FANK1: variants seen among roughly 807,000 people sequenced by gnomAD.
FANK1 encodes the protein fibronectin type III and ankyrin repeat domains 1.
Under a neutral mutation model 45.3 loss-of-function variants are expected in FANK1, and 44 were observed. That is an observed-to-expected ratio of 0.97 (90% CI 0.76 to 1.25). FANK1 has a LOEUF of 1.25. Among genes scored for constraint, FANK1 ranks in the 50% most tolerant of loss-of-function variants. The pLI is 0.00. For synonymous variants in FANK1, 149 were observed against 152.5 expected (o/e 0.98, Z 0.17); for missense variants, 391 against 424.4 (o/e 0.92, Z 0.69).
In FANK1 at chr10:125,897,998, C is replaced by CAAAAA. The variant is rs373550249; in HGVS notation, c.13+1375_13+1379dup. The stretch of plus-strand genomic sequence containing the variant: ...AGTGAAACCCATCTCTACTAAAATA[C>CAAAAA]AAAAAAAAAAAAAAAAAAAAAAAAA... On this transcript the variant is annotated intron_variant, in intron 1 of 10. Coordinates refer to ENST00000368693, the MANE Select transcript of FANK1 (RefSeq NM_145235.5). Among the ~76,000 whole-genome samples, 13 of 16,796 alleles carry CAAAAA rather than the reference C, an allele frequency of 7.7e-4. 2 individuals are homozygous for CAAAAA. Among genetic ancestry groups the CAAAAA allele is most frequent in the African/African-American group, 9.7e-4 (4 of 4,138 alleles). The allele number at this position is 16,796 out of a possible 152,430, so 11.0% of individuals were successfully genotyped here.
intron 1 of FANK1, among the ~76,000 whole-genome samples, chr10:125,899,879 G>A (rs1176600474): frequency 1.3e-5 from 2 of 151,534 alleles, no homozygotes; most frequent in African/African-American, 4.9e-5. Context: ...AATTGGTTAT[G>A]AGGAAGACTC....
At chr10:125,933,254 T>C (rs1312926485) in intron 1 of FANK1, among the ~76,000 whole-genome samples, 2 of 152,168 alleles carry the variant, frequency 1.3e-5, no homozygotes, top group African/African-American at 4.8e-5. Flanking sequence ...TGTGAATCTG[T>C]CTGGTCCTAG....
intron 1 of FANK1, among the ~76,000 whole-genome samples, chr10:125,921,111 A>G (rs1946911725): frequency 6.6e-6 from 1 of 152,158 alleles, no homozygotes; most frequent in South Asian, 2.1e-4. Flanking sequence ...GACCTTTGCA[A>G]TATTGAACTT....
Position 125,898,321 on chromosome 10 carries a change from C to T in FANK1, c.13+1666C>T, listed in dbSNP as rs527476719. The stretch of plus-strand genomic sequence containing the variant: ...GTGCCTGTTATGTTGCAGCTCTGTT[C>T]TAGGGATTGAGGATTGAACAACGGA... On this transcript the variant is annotated intron_variant, in intron 1 of 10. Transcript: ENST00000368693. Among the ~76,000 whole-genome samples, 13 of 152,204 alleles carry T rather than the reference C, an allele frequency of 8.5e-5. No individual in the cohort carries two copies. In the South Asian group the frequency reaches 2.3e-3, roughly 27 times the overall value.
In FANK1 at chr10:125,970,566, G is replaced by A. The variant is rs888947857; in HGVS notation, c.14-9595G>A. On this transcript the variant is annotated intron_variant, in intron 1 of 10. Coordinates refer to ENST00000368693, the MANE Select transcript of FANK1 (RefSeq NM_145235.5). ...GCGAGACTCCGTCTGCAATCCCGGC[G>A]CCTCGGGAGGCCGAGGTGGGCAGAT... Among the ~76,000 whole-genome samples, 38 of 152,190 alleles carry A rather than the reference G, an allele frequency of 2.5e-4. 1 individual carries two copies. The highest frequency in any genetic ancestry group is 6.5e-4 in the Admixed American group (10 of 15,286).
At chr10:125,926,038 C>T (rs1214537374) in intron 1 of FANK1, among the ~76,000 whole-genome samples, 1 of 152,000 alleles carries the variant, frequency 6.6e-6, no homozygotes, top group Non-Finnish European at 1.5e-5. Flanking sequence ...TAGTAACTGT[C>T]ATGCTAATTT....
At chr10:125,930,403 C>T (rs968711721) in intron 1 of FANK1, among the ~76,000 whole-genome samples, 1 of 152,026 alleles carries the variant, frequency 6.6e-6, no homozygotes, top group African/African-American at 2.4e-5. Context: ...GTGGCATGAT[C>T]ATGGCTCACT....
intron 1 of FANK1, among the ~76,000 whole-genome samples, chr10:125,941,310 A>G (rs1340967583): frequency 6.6e-6 from 1 of 152,210 alleles, no homozygotes; most frequent in African/African-American, 2.4e-5. Flanking sequence ...CAATTTGGCA[A>G]ATAAAATCAC....
intron 1 of FANK1, among the ~76,000 whole-genome samples, chr10:125,902,117 G>C (rs79916216): frequency 1.3e-5 from 2 of 152,112 alleles, no homozygotes; most frequent in South Asian, 2.1e-4. Flanking sequence ...AATGTGAGGT[G>C]GGGGGAGGAG....
chr10:125,930,497 C>T (rs1947680303), intron 1 of FANK1, among the ~76,000 whole-genome samples: 1 of 150,658 alleles, frequency 6.6e-6, no homozygotes, highest in Non-Finnish European at 1.5e-5. Context: ...ATGCCACACT[C>T]AACTTTTTTT....
intron 1 of FANK1, among the ~76,000 whole-genome samples, chr10:125,959,779 T>G (rs1949804570): frequency 6.6e-6 from 1 of 152,206 alleles, no homozygotes; most frequent in Non-Finnish European, 1.5e-5. Context: ...GAGCAACAGA[T>G]AACAAATATT....
At chr10:125,978,714 G>A (rs1239756488) in intron 1 of FANK1, among the ~76,000 whole-genome samples, 1 of 152,210 alleles carries the variant, frequency 6.6e-6, no homozygotes, top group African/African-American at 2.4e-5. Context: ...AGCAAAGCTG[G>A]TGGCCTGCCC....
chr10:125,963,952 T>C (rs1343671410), intron 1 of FANK1, among the ~76,000 whole-genome samples: 1 of 152,090 alleles, frequency 6.6e-6, no homozygotes, highest in African/African-American at 2.4e-5. Flanking sequence ...ACCTATTTAG[T>C]TGGGAGAAGG....
Position 125,980,184 on chromosome 10 carries a change from C to T in FANK1, c.37C>T (p.His13Tyr), listed in dbSNP as rs1951109377. Residue 13 changes from histidine (H) to tyrosine (Y), a missense_variant, in exon 2 of 11, where the codon CAT becomes TAT. Coordinates refer to ENST00000368693, the MANE Select transcript of FANK1 (RefSeq NM_145235.5). ...PQKIMPPSKP[H>Y]PPVVGKVTHH... ...AGAAATCATGCCACCCTCAAAGCCT[C>T]ATCCACCTGTCGTGGGCAAAGTGAC... 1.2e-6 allele frequency: 2 copies of T among 1,612,670 alleles called. No individual in the cohort carries two copies. Among genetic ancestry groups the T allele is most frequent in the Non-Finnish European group, 1.7e-6 (2 of 1,179,690 alleles).
chr10:125,945,984 C>T (rs1040379981), intron 1 of FANK1, among the ~76,000 whole-genome samples: 9 of 152,282 alleles, frequency 5.9e-5, no homozygotes, highest in South Asian at 2.1e-4. Flanking sequence ...GGAGGCACCC[C>T]GCAGCAGGGG....
chr10:125,961,555 A>C (rs562450323), intron 1 of FANK1, among the ~76,000 whole-genome samples: 1 of 152,332 alleles, frequency 6.6e-6, no homozygotes, highest in South Asian at 2.1e-4. Context: ...AAATAAACTC[A>C]AAATGGATCA....
chr10:125,950,151 AC>A (rs1363652566), intron 1 of FANK1, among the ~76,000 whole-genome samples: 1 of 149,862 alleles, frequency 6.7e-6, no homozygotes, highest in Non-Finnish European at 1.5e-5. Flanking sequence ...TAGACCTAAA[AC>A]CATAAAAACC....
At chr10:125,940,874 G>A (rs1298397102) in intron 1 of FANK1, among the ~76,000 whole-genome samples, 2 of 152,324 alleles carry the variant, frequency 1.3e-5, no homozygotes, top group East Asian at 3.9e-4. Flanking sequence ...TGTTAACAAG[G>A]CACATCCTGC....
intron 1 of FANK1, among the ~76,000 whole-genome samples, chr10:125,977,342 A>AG (rs545585164): frequency 6.6e-6 from 1 of 152,064 alleles, no homozygotes; most frequent in Non-Finnish European, 1.5e-5. Flanking sequence ...CTGGTTTCAG[A>AG]GGGGGGTATG....
Sources: gnomAD v4.1 joint callset for allele counts (sites outside exome capture counted in the v4.1 genomes callset) on GRCh38, gnomAD v4.1.1 for gene constraint, MANE v1.5 for transcripts, NCBI Gene and HGNC (gene_info 2026-07-23, HGNC 2026-07-21) for gene names.